The following BEND3 variants were observed in gnomAD, a reference collection of about 807,000 sequenced individuals.
BEND3 encodes BEN domain-containing protein 3.
BEND3 carries 13 observed loss-of-function variants against 60.1 expected under a neutral mutation model. The observed-to-expected ratio is 0.22, with a 90% CI of 0.14 to 0.34. The LOEUF (loss-of-function observed/expected upper bound fraction) is 0.34, where lower values mean the gene tolerates loss of function less well. Among genes scored for constraint, BEND3 ranks in the 10% least tolerant of loss-of-function variants. BEND3 has a pLI of 1.00. For synonymous variants in BEND3, 497 were observed against 491.5 expected (o/e 1.01, Z -0.15); for missense variants, 896 against 1,138.1 (o/e 0.79, Z 3.06).
intron 3 of BEND3, among the ~76,000 whole-genome samples, chr6:107,079,978 G>A (rs1775189866): frequency 6.6e-6 from 1 of 151,172 alleles, no homozygotes; most frequent in African/African-American, 2.4e-5. Flanking sequence ...TGATCCTCCC[G>A]CCTCGGCCTC....
At chr6:107,110,058 G>A (rs1164564266) in intron 1 of BEND3, among the ~76,000 whole-genome samples, 2 of 150,886 alleles carry the variant, frequency 1.3e-5, no homozygotes, top group Admixed American at 6.6e-5. Flanking sequence ...AGGAAGCTGG[G>A]CACAGTGGTG....
rs781888818 is a variant in BEND3, at chr6:107,069,823, C to T, written c.1368G>A (p.Glu456=). Residue 456 remains glutamate, a synonymous_variant, in exon 4 of 4, where the codon GAG becomes GAA. Coordinates refer to ENST00000369042, the MANE Select transcript of BEND3 (RefSeq NM_001367314.1). The part of the protein sequence containing the change: ...QRLQIIRNYT[E]IYFPDMQEEE... ...CCTCCTGCATGTCAGGGAAGTAGAT[C>T]TCCGTGTAGTTGCGGATGATCTGCA... is the stretch of plus-strand genomic sequence containing the variant. 5 of 1,613,412 alleles carry T rather than the reference C, an allele frequency of 3.1e-6. No individual in the cohort carries two copies. The African/African-American group carries it at 6.7e-5, about 22-fold the overall frequency.
At chr6:107,076,911 C>A (rs1554232838) in intron 3 of BEND3, among the ~76,000 whole-genome samples, 1 of 152,078 alleles carries the variant, frequency 6.6e-6, no homozygotes, top group Non-Finnish European at 1.5e-5. Flanking sequence ...TGGCTCACTG[C>A]AACCTTCGCC....
chr6:107,081,210 A>C (rs1554233502), intron 3 of BEND3, among the ~76,000 whole-genome samples: 1 of 150,936 alleles, frequency 6.6e-6, no homozygotes, highest in African/African-American at 2.4e-5. Flanking sequence ...GCCTGGCCTC[A>C]ATTTACACAA....
intron 3 of BEND3, among the ~76,000 whole-genome samples, chr6:107,072,363 C>T (rs371979363): frequency 6.6e-6 from 1 of 152,178 alleles, no homozygotes; most frequent in South Asian, 2.1e-4. Context: ...CTCTAATAAG[C>T]TCCTGGGTGC....
intron 3 of BEND3, among the ~76,000 whole-genome samples, chr6:107,071,305 G>T (rs74933083): frequency 0.012 from 1,801 of 152,320 alleles, 25 homozygotes; most frequent in African/African-American, 0.036. Flanking sequence ...AAGAGCATAG[G>T]AAGGCAACGG....
At chr6:107,075,891 A>G (rs571201213) in intron 3 of BEND3, among the ~76,000 whole-genome samples, 2 of 152,216 alleles carry the variant, frequency 1.3e-5, no homozygotes, top group Non-Finnish European at 2.9e-5. Context: ...GCAAGAGTAC[A>G]TTGAAACTGG....
At chr6:107,076,983 G>C (rs908447931) in intron 3 of BEND3, among the ~76,000 whole-genome samples, 17 of 152,024 alleles carry the variant, frequency 1.1e-4, no homozygotes, top group Non-Finnish European at 2.5e-4. Context: ...AAGTAGTTGG[G>C]ACCACAGGCA....
chr6:107,097,449 T>C (rs1236198826), intron 3 of BEND3, among the ~76,000 whole-genome samples: 2 of 148,198 alleles, frequency 1.3e-5, no homozygotes, highest in Non-Finnish European at 1.5e-5. Context: ...CAGACCAGAA[T>C]AAAGAGTTAG....
At chr6:107,076,309 C>A (rs554545560) in intron 3 of BEND3, among the ~76,000 whole-genome samples, 27 of 152,182 alleles carry the variant, frequency 1.8e-4, no homozygotes, top group Non-Finnish European at 2.2e-4. Context: ...ATTCCCAATT[C>A]TCTGAGGCTC....
chr6:107,115,479 G>A lies in BEND3; in HGVS notation c.-401C>T, dbSNP rs1186847346. Among the ~76,000 whole-genome samples the A allele has an allele frequency of 1.4e-5, 2 of 147,060 alleles. No individual in the cohort carries two copies. Among genetic ancestry groups the A allele is most frequent in the Non-Finnish European group, 3.0e-5 (2 of 66,132 alleles). On this transcript the variant is annotated 5_prime_UTR_variant, in exon 1 of 4. Coordinates refer to ENST00000369042, the MANE Select transcript of BEND3 (RefSeq NM_001367314.1). ...GCGGGGAGCTCGGGCGCGCACTCCC[G>A]GGACCCAGGCGGCCCGGCGCGCTCG...
At chr6:107,076,795 A>C (rs554400988) in intron 3 of BEND3, among the ~76,000 whole-genome samples, 2 of 152,124 alleles carry the variant, frequency 1.3e-5, no homozygotes, top group Admixed American at 6.5e-5. Flanking sequence ...AATGATGCTT[A>C]TACCACTTTC....
intron 1 of BEND3, among the ~76,000 whole-genome samples, chr6:107,106,794 G>C (rs1352559171): frequency 1.3e-5 from 2 of 152,060 alleles, no homozygotes; most frequent in East Asian, 3.9e-4. Flanking sequence ...TTTTTGTAGA[G>C]ACAGGGTCTC....
intron 3 of BEND3, among the ~76,000 whole-genome samples, chr6:107,088,536 A>G (rs1775404876): frequency 6.6e-6 from 1 of 152,206 alleles, no homozygotes; most frequent in Non-Finnish European, 1.5e-5. Context: ...AAAATCCACT[A>G]TACCTAGGCA....
intron 3 of BEND3, among the ~76,000 whole-genome samples, chr6:107,071,636 C>T (rs558772181): frequency 6.6e-6 from 1 of 152,296 alleles, no homozygotes; most frequent in Non-Finnish European, 1.5e-5. Context: ...AAACAACCCC[C>T]CGTTTCTGAA....
At chr6:107,074,737 T>C (rs1056752456) in intron 3 of BEND3, among the ~76,000 whole-genome samples, 2 of 152,168 alleles carry the variant, frequency 1.3e-5, no homozygotes, top group African/African-American at 2.4e-5. Context: ...TGGAGATAGC[T>C]GAAAACCTTT....
intron 3 of BEND3, among the ~76,000 whole-genome samples, chr6:107,079,895 CTT>C (rs1428446611): frequency 2.1e-5 from 3 of 143,904 alleles, no homozygotes; most frequent in Admixed American, 7.0e-5. Context: ...TTCCTTTCTA[CTT>C]TTTTTTTTTT....
At chr6:107,096,429 T>C (rs1390702364) in intron 3 of BEND3, among the ~76,000 whole-genome samples, 2 of 151,516 alleles carry the variant, frequency 1.3e-5, no homozygotes, top group Admixed American at 6.6e-5. Context: ...CTGGCCAACA[T>C]AGTGAAACCC....
intron 3 of BEND3, among the ~76,000 whole-genome samples, chr6:107,080,966 A>AT (rs1413917728): frequency 6.6e-6 from 1 of 152,022 alleles, no homozygotes. Flanking sequence ...ATACAAATTT[A>AT]TTTTTTATTT....
Sources: allele counts gnomAD v4.1 joint callset (sites outside exome capture counted in the v4.1 genomes callset), GRCh38; gene constraint gnomAD v4.1.1; transcripts MANE v1.5; gene names NCBI Gene and HGNC (gene_info 2026-07-23, HGNC 2026-07-21).